Variants in ZP3 observed in about 807,000 individuals in gnomAD.
ZP3 encodes the protein zona pellucida glycoprotein 3, also known as zona pellucida sperm-binding protein 3.
A neutral mutation model predicts 35.6 loss-of-function variants in ZP3; 21 were observed. The observed-to-expected ratio is 0.59, with a 90% CI of 0.42 to 0.85. The LOEUF (loss-of-function observed/expected upper bound fraction) is 0.85. Among genes scored for constraint, ZP3 ranks in the 40% least tolerant of loss-of-function variants. The probability of loss-of-function intolerance (pLI) is 0.00; values close to 1 mark genes in which losing one functional copy is unlikely to be tolerated. For missense variants in ZP3, 437 were observed against 536.5 expected (o/e 0.81, Z 1.83); for synonymous variants, 207 against 214.5 (o/e 0.96, Z 0.31).
chr7:76,429,636 C>T lies in ZP3; in HGVS notation c.431+3C>T, dbSNP rs746942500. 9.3e-6 allele frequency: 15 copies of T among 1,612,484 alleles called. No homozygotes were observed. Among genetic ancestry groups the T allele is most frequent in the African/African-American group, 1.3e-5 (1 of 74,878 alleles). ...CCCATCGAGTGCCGCTACCCCAGGT[C>T]GGTGTGGGACTGACTCATGGCCCCT... On this transcript the variant is annotated splice_donor_region_variant and intron_variant, in intron 2 of 7. Transcript: ENST00000394857.
At chr7:76,413,849 A>T (rs6465123) in intron 1 of ZP3, among the ~76,000 whole-genome samples, 26,140 of 151,646 alleles carry the variant, frequency 0.17, 4,243 homozygotes, top group African/African-American at 0.42. Flanking sequence ...GTATTTTTTG[A>T]AGAGACAAAG....
Position 76,433,516 on chromosome 7 carries a change from T to C in ZP3, c.582T>C (p.Asp194=), listed in dbSNP as rs1441721873. The change falls in exon 4 of 8, where the codon GAT becomes GAC. Residue 194 remains aspartate, a synonymous_variant. Transcript: ENST00000394857. ...GGTCCCCCACCTTCCACCTGGGAGA[T>C]GCAGCCCACCTCCAGGCAGAAATCC... ...EKRSPTFHLG[D]AAHLQAEIHT... 1.9e-6 allele frequency: 3 copies of C among 1,614,104 alleles called. No individual in the cohort carries two copies. The highest frequency in any genetic ancestry group is 3.3e-5 in the Admixed American group (2 of 59,998).
intron 1 of ZP3, among the ~76,000 whole-genome samples, chr7:76,418,367 G>A (rs778720661): frequency 4.0e-5 from 6 of 151,312 alleles, no homozygotes; most frequent in East Asian, 1.9e-4. Context: ...CCTGGCCAAC[G>A]TGGTGAAACA....
chr7:76,404,442 A>G lies in ZP3; in HGVS notation c.-67+6645A>G, dbSNP rs778564793. 6.2e-6 allele frequency: 10 copies of G among 1,613,892 alleles called. No individual in the cohort carries two copies. In the Admixed American group the frequency reaches 1.0e-4, roughly 16 times the overall value. On this transcript the variant is annotated intron_variant, in intron 1 of 8. Transcript: ENST00000336517. ...AGCATCTCTGCTTCCTTGTGCATCT[A>G]GATGGTGAAGGGTGTTTCAGATGCT...
intron 1 of ZP3, among the ~76,000 whole-genome samples, chr7:76,413,425 G>C (rs1051876652): frequency 2.0e-5 from 3 of 151,524 alleles, no homozygotes; most frequent in South Asian, 2.1e-4. Context: ...ACCACAACTT[G>C]CTAATTTCTG....
chr7:76,403,000 A>C (rs1245768214), intron 1 of ZP3, among the ~76,000 whole-genome samples: 1 of 152,158 alleles, frequency 6.6e-6, no homozygotes, highest in Non-Finnish European at 1.5e-5. Context: ...TCAGTTAATC[A>C]TTAGGATAAT....
chr7:76,411,013 A>AAAAAAAAAG (rs1554623386), intron 1 of ZP3, among the ~76,000 whole-genome samples: 22 of 131,142 alleles, frequency 1.7e-4, no homozygotes, highest in African/African-American at 4.0e-4. Context: ...AAAAAAAAAA[A>AAAAAAAAAG]AAAAGAAAAG....
chr7:76,407,611 T>C lies in ZP3; in HGVS notation c.-67+9814T>C, dbSNP rs193040200. ...AGCTGGGCATGGTGGTGCATGCCTG[T>C]AATCCCAGTGCTTTGGGAGGCTAAG... On this transcript the variant is annotated intron_variant, in intron 1 of 8. Transcript: ENST00000336517. 8.4e-4 allele frequency among the ~76,000 whole-genome samples: 128 copies of C among 152,208 alleles called. 1 individual carries two copies. Among genetic ancestry groups the C allele is most frequent in the African/African-American group, 2.8e-3 (118 of 41,542 alleles).
chr7:76,417,409 A>C (rs1805403974), intron 1 of ZP3, among the ~76,000 whole-genome samples: 1 of 151,936 alleles, frequency 6.6e-6, no homozygotes, highest in Non-Finnish European at 1.5e-5. Flanking sequence ...AATGGGCTAA[A>C]TCTCAGCCCA....
At chr7:76,411,344 A>T (rs1045930061) in intron 1 of ZP3, among the ~76,000 whole-genome samples, 2 of 152,096 alleles carry the variant, frequency 1.3e-5, no homozygotes, top group African/African-American at 4.8e-5. Context: ...AGGCAGGAGG[A>T]TCGCTTGAGA....
At chr7:76,424,944 G>A (rs767352403), upstream of ZP3, 22 of 1,501,140 alleles carry the variant, frequency 1.5e-5, no homozygotes, top group South Asian at 2.5e-5. Flanking sequence ...AGAGGCGGCT[G>A]CCTGCTGCTC....
chr7:76,406,797 A>T (rs1236869883), intron 1 of ZP3, among the ~76,000 whole-genome samples: 1 of 151,442 alleles, frequency 6.6e-6, no homozygotes, highest in Non-Finnish European at 1.5e-5. Flanking sequence ...AAAAAAAAAA[A>T]TCTTCAAGGC....
At chr7:76,431,134 A>G (rs951383366) in intron 2 of ZP3, among the ~76,000 whole-genome samples, 1 of 152,214 alleles carries the variant, frequency 6.6e-6, no homozygotes, top group Non-Finnish European at 1.5e-5. Context: ...CTGGGATTCA[A>G]TGAGGCCTGA....
At chr7:76,409,954 T>C (rs1318718175) in intron 1 of ZP3, among the ~76,000 whole-genome samples, 1 of 152,130 alleles carries the variant, frequency 6.6e-6, no homozygotes, top group East Asian at 1.9e-4. Flanking sequence ...GGAGCCACAG[T>C]GTATGGAGTG....
At chr7:76,402,970 A>C (rs1158245420) in intron 1 of ZP3, among the ~76,000 whole-genome samples, 3 of 152,112 alleles carry the variant, frequency 2.0e-5, no homozygotes, top group Non-Finnish European at 4.4e-5. Context: ...CCCGGCCTTC[A>C]TTGGTTTCTT....
At chr7:76,401,183 C>T in intron 1 of ZP3, 1 of 1,228,468 alleles carries the variant, frequency 8.1e-7, no homozygotes, top group Admixed American at 3.1e-5. Flanking sequence ...TTGCCAAAGC[C>T]CCATTGTCTC....
At chr7:76,402,561 C>T (rs992103842) in intron 1 of ZP3, among the ~76,000 whole-genome samples, 40 of 152,158 alleles carry the variant, frequency 2.6e-4, no homozygotes, top group Non-Finnish European at 5.3e-4. Flanking sequence ...TCAAGTGATC[C>T]TCCCGTCTCA....
chr7:76,411,824 C>T (rs1006842940), intron 1 of ZP3, among the ~76,000 whole-genome samples: 2 of 152,098 alleles, frequency 1.3e-5, no homozygotes, highest in Non-Finnish European at 2.9e-5. Flanking sequence ...TGAAAACTTA[C>T]ATCTTCACAA....
In ZP3 at chr7:76,398,874, G is replaced by A. The variant is rs538409260; in HGVS notation, c.-67+1077G>A. On this transcript the variant is annotated intron_variant, in intron 1 of 8. Transcript: ENST00000336517. Reference sequence around the variant, plus strand: ...ACCACGGGGTGTTTAAGGGGCAGGAGGATGGACCCATAAGGTGCTTGCCGC... The same window carrying A: ...ACCACGGGGTGTTTAAGGGGCAGGAAGATGGACCCATAAGGTGCTTGCCGC... The A allele has an allele frequency of 4.1e-4, 616 of 1,487,486 alleles. 7 individuals are homozygous for A. The South Asian group carries it at 5.7e-3, about 14-fold the overall frequency. The allele number at this position is 1,487,486 out of a possible 1,614,324, so 92.1% of individuals were successfully genotyped here. A position where few individuals can be genotyped will look rare whatever the true frequency, so the allele number is the denominator to read the frequency against.
Sources: gnomAD v4.1 joint callset for allele counts (sites outside exome capture counted in the v4.1 genomes callset) on GRCh38, gnomAD v4.1.1 for gene constraint, MANE v1.5 for transcripts, NCBI Gene and HGNC (gene_info 2026-07-23, HGNC 2026-07-21) for gene names.